DLGAP2: variants seen among roughly 807,000 people sequenced by gnomAD.
DLGAP2 encodes DLG associated protein 2, also known as disks large-associated protein 2.
A neutral mutation model predicts 100.3 loss-of-function variants in DLGAP2; 26 were observed. The ratio of observed to expected loss-of-function variants is 0.26; its 90% CI spans 0.19 to 0.36. The LOEUF is 0.36. DLGAP2 is among the 10% of genes least tolerant of loss of function. The pLI, the probability that DLGAP2 is intolerant of heterozygous loss-of-function variation, is 1.00. For missense variants in DLGAP2, 1,858 were observed against 1,453.2 expected, an observed-to-expected ratio of 1.28 and a Z score of -4.53; for synonymous variants, 886 against 630.1, an observed-to-expected ratio of 1.41 and a Z score of -6.08.
chr8:1,017,097 G>A (rs866700407), intron 2 of DLGAP2, among the ~76,000 whole-genome samples: 75 of 1,776 alleles, frequency 0.042, 6 homozygotes, highest in Admixed American at 0.076. Flanking sequence ...AGGACAGACG[G>A]CGCCTCCACT....
chr8:1,671,815 A>G (rs1188078862), intron 10 of DLGAP2, among the ~76,000 whole-genome samples: 1 of 152,180 alleles, frequency 6.6e-6, no homozygotes, highest in Non-Finnish European at 1.5e-5. Context: ...AGGTCTCATC[A>G]CAGCTCCAGA....
chr8:1,478,668 GC>G (rs1304296614), intron 3 of DLGAP2, among the ~76,000 whole-genome samples: 1 of 152,130 alleles, frequency 6.6e-6, no homozygotes, highest in Non-Finnish European at 1.5e-5. Context: ...CACCGGAGAT[GC>G]CCAGGGCAAT....
chr8:1,481,448 A>AATTTCT, intron 3 of DLGAP2, among the ~76,000 whole-genome samples: 1 of 90,910 alleles, frequency 1.1e-5, no homozygotes, highest in African/African-American at 3.7e-5. Flanking sequence ...ACTTTATTGG[A>AATTTCT]TTTTCTTTTT....
chr8:1,172,807 A>C (rs959273818), intron 2 of DLGAP2, among the ~76,000 whole-genome samples: 2 of 152,116 alleles, frequency 1.3e-5, no homozygotes, highest in African/African-American at 2.4e-5. Context: ...CAAAGTTTTT[A>C]ACTTCTTTGC....
rs1584930686 is a variant in DLGAP2 at position 1,465,244 on chromosome 8, C to T, written c.107-36122C>T. On this transcript the variant is annotated intron_variant, in intron 3 of 14. Transcript: ENST00000637795. ...AAGCCCCCCACACGTGGGTTCCATT[C>T]ATTTGCTGGAGTGGCTCCCGAAACT... Among the ~76,000 whole-genome samples, 4 of 152,354 alleles carry T rather than the reference C, an allele frequency of 2.6e-5. No individual in the cohort carries two copies. In the South Asian group the frequency reaches 8.3e-4, roughly 32 times the overall value.
intron 8 of DLGAP2, among the ~76,000 whole-genome samples, chr8:1,639,027 C>G (rs745640823): frequency 4.6e-4 from 70 of 152,322 alleles, no homozygotes; most frequent in African/African-American, 1.6e-3. Context: ...CAACAGCCCT[C>G]TCCAGCTGCT....
intron 3 of DLGAP2, among the ~76,000 whole-genome samples, chr8:1,498,075 A>G (rs559474232): frequency 6.6e-6 from 1 of 152,182 alleles, no homozygotes; most frequent in Non-Finnish European, 1.5e-5. Flanking sequence ...ACTGGAAGTG[A>G]GGCCTCCCAA....
intron 2 of DLGAP2, among the ~76,000 whole-genome samples, chr8:1,167,047 G>A (rs981392390): frequency 6.6e-6 from 1 of 152,018 alleles, no homozygotes; most frequent in Admixed American, 6.6e-5. Flanking sequence ...GAGGTGGGAG[G>A]ATCGCTTGAG....
intron 3 of DLGAP2, among the ~76,000 whole-genome samples, chr8:1,373,197 C>G (rs1235397813): frequency 1.3e-5 from 2 of 152,176 alleles, no homozygotes; most frequent in Non-Finnish European, 2.9e-5. Flanking sequence ...CTGCCGTTTG[C>G]TTGAGTGACT....
chr8:1,511,742 T>A (rs544546897), intron 4 of DLGAP2, among the ~76,000 whole-genome samples: 1 of 152,166 alleles, frequency 6.6e-6, no homozygotes, highest in East Asian at 1.9e-4. Context: ...AATCAATAGA[T>A]GACCATCTTC....
In DLGAP2 at chr8:1,285,038, C is replaced by T. The variant is rs528228043; in HGVS notation, c.106+26155C>T. 1.1e-4 allele frequency among the ~76,000 whole-genome samples: 17 copies of T among 152,290 alleles called. No individual in the cohort carries two copies. The South Asian group carries it at 2.9e-3, about 26-fold the overall frequency. On this transcript the variant is annotated intron_variant, in intron 3 of 14. Coordinates refer to ENST00000637795, the MANE Select transcript of DLGAP2 (RefSeq NM_001346810.2). ...TTTCCCTTGCTTTTTGGTGTTTTTCCATAATTTAGCACTATCATGCCCATG... is the reference window on the plus strand; with the variant it reads ...TTTCCCTTGCTTTTTGGTGTTTTTCTATAATTTAGCACTATCATGCCCATG...
intron 1 of DLGAP2, among the ~76,000 whole-genome samples, chr8:750,553 C>A (rs1475308005): frequency 2.0e-5 from 3 of 152,260 alleles, no homozygotes; most frequent in African/African-American, 7.2e-5. Context: ...TGAAAATGGT[C>A]AAAATTGCCA....
At chr8:1,189,640 C>T (rs935477619) in intron 2 of DLGAP2, among the ~76,000 whole-genome samples, 2 of 152,226 alleles carry the variant, frequency 1.3e-5, no homozygotes, top group Admixed American at 6.5e-5. Context: ...CGTGTGACAT[C>T]CCCATGCCTG....
At chr8:1,530,412 A>G (rs1325751597) in intron 4 of DLGAP2, among the ~76,000 whole-genome samples, 2 of 152,146 alleles carry the variant, frequency 1.3e-5, no homozygotes, top group Non-Finnish European at 2.9e-5. Context: ...TTCCCTGAAC[A>G]ATTGCTGTTA....
chr8:1,111,754 G>A lies in DLGAP2; in HGVS notation c.74-147097G>A, dbSNP rs549867279. Among the ~76,000 whole-genome samples the A allele has an allele frequency of 3.9e-5, 6 of 152,296 alleles. No homozygotes were observed. In the South Asian group the frequency reaches 6.2e-4, roughly 16 times the overall value. On this transcript the variant is annotated intron_variant, in intron 2 of 14. Transcript: ENST00000637795. ...CATGGGTCTTATTCTTTTTATGGCT[G>A]TATAGTATTCCATGGTATAGATGTA...
chr8:1,427,453 G>C (rs993175951), intron 3 of DLGAP2, among the ~76,000 whole-genome samples: 2 of 152,146 alleles, frequency 1.3e-5, no homozygotes, highest in Non-Finnish European at 2.9e-5. Context: ...AGTTGAGTTA[G>C]AAATAATATA....
chr8:1,388,724 G>A (rs1796277722), intron 3 of DLGAP2, among the ~76,000 whole-genome samples: 2 of 104,684 alleles, frequency 1.9e-5, no homozygotes, highest in Admixed American at 9.5e-5. Context: ...TGGATGAGGA[G>A]GCGCTGGTTC....
chr8:739,649 T>A (rs1433922400), intron 1 of DLGAP2: 1 of 152,220 alleles, frequency 6.6e-6, no homozygotes, highest in Non-Finnish European at 1.5e-5. Context: ...TTTAAAAAAA[T>A]GTCATTAATC....
chr8:1,322,805 G>A (rs112961320), intron 3 of DLGAP2, among the ~76,000 whole-genome samples: 5 of 152,186 alleles, frequency 3.3e-5, no homozygotes, highest in African/African-American at 9.7e-5. Flanking sequence ...CTGATAAGCC[G>A]AGTTAATAAT....
Sources: allele counts gnomAD v4.1 joint callset (sites outside exome capture counted in the v4.1 genomes callset), GRCh38; gene constraint gnomAD v4.1.1; transcripts MANE v1.5; gene names NCBI Gene and HGNC (gene_info 2026-07-23, HGNC 2026-07-21).